The following SEMA6D variants were observed in gnomAD, a reference collection of about 807,000 sequenced individuals.
SEMA6D encodes semaphorin-6D.
In SEMA6D, 35 loss-of-function variants were observed where a neutral mutation model predicts 106.6. The ratio of observed to expected loss-of-function variants is 0.33; its 90% CI spans 0.25 to 0.44. The LOEUF (loss-of-function observed/expected upper bound fraction) is 0.44, where lower values mean the gene tolerates loss of function less well. Ranked by LOEUF, SEMA6D falls within the 20% of genes least tolerant of loss-of-function variation. The probability of loss-of-function intolerance (pLI) is 1.00; values close to 1 mark genes in which losing one functional copy is unlikely to be tolerated. For synonymous variants in SEMA6D, 499 were observed against 487.7 expected (o/e 1.02, Z -0.31); for missense variants, 1,185 against 1,345.9 (o/e 0.88, Z 1.87).
chr15:47,642,869 A>G (rs559351847), intron 4 of SEMA6D, among the ~76,000 whole-genome samples: 115 of 152,248 alleles, frequency 7.6e-4, no homozygotes, highest in African/African-American at 2.7e-3. Context: ...GCAGCTAGAT[A>G]TATTGAGAGA....
chr15:47,415,036 A>T (rs1421604284), intron 2 of SEMA6D, among the ~76,000 whole-genome samples: 1 of 152,174 alleles, frequency 6.6e-6, no homozygotes. Flanking sequence ...GGGACTTCAA[A>T]TCACTACACA....
chr15:47,567,011 A>G (rs2046249718), intron 3 of SEMA6D, among the ~76,000 whole-genome samples: 3 of 152,198 alleles, frequency 2.0e-5, no homozygotes, highest in South Asian at 2.1e-4. Flanking sequence ...CTTCAAAAAG[A>G]GGTCATTTTT....
chr15:47,316,259 A>G (rs2036673893), intron 1 of SEMA6D, among the ~76,000 whole-genome samples: 1 of 151,304 alleles, frequency 6.6e-6, no homozygotes, highest in Admixed American at 6.6e-5. Flanking sequence ...CGCCTAGCTA[A>G]TTGTATATTT....
At chr15:47,529,618 A>AAAAG (rs1316089667) in intron 3 of SEMA6D, among the ~76,000 whole-genome samples, 2 of 151,482 alleles carry the variant, frequency 1.3e-5, no homozygotes, top group Non-Finnish European at 2.9e-5. Flanking sequence ...AAAAAAAAAA[A>AAAAG]AACAAGTCAT....
intron 1 of SEMA6D, among the ~76,000 whole-genome samples, chr15:47,284,919 T>C (rs1204854209): frequency 6.6e-6 from 1 of 152,224 alleles, no homozygotes; most frequent in African/African-American, 2.4e-5. Context: ...ATATTGCATT[T>C]GTGATAGACA....
intron 1 of SEMA6D, among the ~76,000 whole-genome samples, chr15:47,289,048 TA>T (rs1299673322): frequency 6.6e-6 from 1 of 152,028 alleles, no homozygotes; most frequent in African/African-American, 2.4e-5. Context: ...AGGTGAAGAT[TA>T]AATGAGACTC....
intron 1 of SEMA6D, among the ~76,000 whole-genome samples, chr15:47,184,924 G>T (rs955940039): frequency 7.2e-5 from 11 of 152,244 alleles, no homozygotes; most frequent in Admixed American, 7.2e-4. Context: ...GGTGCTGGGA[G>T]GCAGGGCTGG....
intron 1 of SEMA6D, among the ~76,000 whole-genome samples, chr15:47,376,180 G>A (rs142127043): frequency 1.9e-3 from 293 of 152,318 alleles, no homozygotes; most frequent in Non-Finnish European, 2.5e-3. Context: ...GTAGCCCACC[G>A]AAGGGTTGGG....
At chr15:47,590,240 T>G (rs2143013327) in intron 3 of SEMA6D, among the ~76,000 whole-genome samples, 1 of 152,166 alleles carries the variant, frequency 6.6e-6, no homozygotes, top group East Asian at 1.9e-4. Context: ...GGGACATGGA[T>G]GAAGCTGGAA....
chr15:47,314,346 C>G (rs1401105130), intron 1 of SEMA6D, among the ~76,000 whole-genome samples: 2 of 151,912 alleles, frequency 1.3e-5, no homozygotes, highest in Non-Finnish European at 2.9e-5. Context: ...CGCCTGTAAT[C>G]CCAGCACTTT....
intron 1 of SEMA6D, among the ~76,000 whole-genome samples, chr15:47,232,837 T>C (rs1027759228): frequency 1.3e-5 from 2 of 151,904 alleles, no homozygotes; most frequent in African/African-American, 4.8e-5. Flanking sequence ...TCCTAGACCA[T>C]CATCAGATAT....
rs1462592820 is a variant in SEMA6D at position 47,550,186 on chromosome 15, G to A, written c.-86-50679G>A. Among the ~76,000 whole-genome samples the A allele has an allele frequency of 2.0e-5, 3 of 152,114 alleles. 1 individual carries two copies. The highest frequency in any genetic ancestry group is 4.4e-5 in the Non-Finnish European group (3 of 68,020). ...ATTGAAAAAATGAATTTTAGAATTA[G>A]GGTTTCCTTTACTTCCAAGTTTTGA... On this transcript the variant is annotated intron_variant, in intron 3 of 19. Coordinates refer to the SEMA6D transcript ENST00000558014.
At chr15:47,389,506 G>A (rs281288) in intron 1 of SEMA6D, among the ~76,000 whole-genome samples, 12,425 of 151,834 alleles carry the variant, frequency 0.082, 1,058 homozygotes, top group African/African-American at 0.21. Flanking sequence ...CCCTAAAAAA[G>A]AATCTAAAAT....
intron 4 of SEMA6D, among the ~76,000 whole-genome samples, chr15:47,627,767 T>A (rs1485044150): frequency 6.6e-6 from 1 of 152,120 alleles, no homozygotes; most frequent in African/African-American, 2.4e-5. Flanking sequence ...GTGTCAACAC[T>A]GGTGCTGTCA....
intron 2 of SEMA6D, among the ~76,000 whole-genome samples, chr15:47,434,132 G>A (rs1432785816): frequency 1.3e-5 from 2 of 152,132 alleles, no homozygotes; most frequent in African/African-American, 4.8e-5. Context: ...CACTGAAAGA[G>A]AGTCAGTGTT....
At position 47,772,004 on chromosome 15, in the gene SEMA6D, AT is replaced by A. The variant is rs1475230104; in HGVS notation, c.*221del. On this transcript the variant is annotated 3_prime_UTR_variant, in exon 19 of 19. Transcript: ENST00000536845. ...CTGAAAACAAAGGAAGGTGCTGGTCATTCCATTTCTTTTGTTTGAAGCTAAA... is the reference window on the plus strand; with the variant it reads ...CTGAAAACAAAGGAAGGTGCTGGTCATCCATTTCTTTTGTTTGAAGCTAAA... 2.6e-5 allele frequency: 14 copies of A among 545,222 alleles called. No individual in the cohort carries two copies. In the Admixed American group the frequency reaches 3.8e-4, roughly 15 times the overall value. The allele number at this position is 545,222 out of a possible 1,614,324, so 33.8% of individuals were successfully genotyped here. A position where few individuals can be genotyped will look rare whatever the true frequency, so the allele number is the denominator to read the frequency against.
At chr15:47,394,980 C>A (rs1220024846) in intron 1 of SEMA6D, among the ~76,000 whole-genome samples, 1 of 151,924 alleles carries the variant, frequency 6.6e-6, no homozygotes, top group Non-Finnish European at 1.5e-5. Flanking sequence ...ATTGTGATCT[C>A]TGTGGTCTTA....
chr15:47,613,935 C>G (rs968371934), intron 4 of SEMA6D, among the ~76,000 whole-genome samples: 1 of 152,142 alleles, frequency 6.6e-6, no homozygotes, highest in Non-Finnish European at 1.5e-5. Flanking sequence ...GCGTGAGCCA[C>G]CGCGCCCAGC....
chr15:47,467,513 C>A (rs2042701265), intron 2 of SEMA6D, among the ~76,000 whole-genome samples: 1 of 151,986 alleles, frequency 6.6e-6, no homozygotes, highest in African/African-American at 2.4e-5. Context: ...AGAATGTTGG[C>A]AAATTTCTGG....
Sources: gnomAD v4.1 joint callset for allele counts (sites outside exome capture counted in the v4.1 genomes callset) on GRCh38, gnomAD v4.1.1 for gene constraint, MANE v1.5 for transcripts, NCBI Gene and HGNC (gene_info 2026-07-23, HGNC 2026-07-21) for gene names.